Variants in MYL3 observed in about 807,000 individuals in gnomAD.
MYL3 encodes the protein myosin light chain 3.
Under a neutral mutation model 21.3 loss-of-function variants are expected in MYL3, and 11 were observed. That is an observed-to-expected ratio of 0.52 (90% CI 0.32 to 0.85). The LOEUF is 0.85. Among genes scored for constraint, MYL3 ranks in the 40% least tolerant of loss-of-function variants. The probability of loss-of-function intolerance (pLI) is 0.03; values close to 1 mark genes in which losing one functional copy is unlikely to be tolerated. For missense variants in MYL3, 206 were observed against 253.3 expected (o/e 0.81, Z 1.27); for synonymous variants, 88 against 91.6 (o/e 0.96, Z 0.22).
Position 46,859,464 on chromosome 3 carries a change from G to A in MYL3, c.481+11C>T. ...GGAAGGAGTTGGGGTAGGGGAGGAG[G>A]CTGCCCTCACCCAGCGTGGCCAGCA... On this transcript the variant is annotated intron_variant, in intron 4 of 6. Transcript: ENST00000292327. This position sits in a 1 kb window ranked among gnomAD's most constrained non-coding sequence, Gnocchi z 4.1. 1 of 1,613,994 alleles carries A rather than the reference G, an allele frequency of 6.2e-7. No individual in the cohort carries two copies. Among genetic ancestry groups the A allele is most frequent in the East Asian group, 2.2e-5 (1 of 44,886 alleles).
Position 46,860,881 on chromosome 3 carries a change from C to T in MYL3, c.158-56G>A, listed in dbSNP as rs1323246266. The T allele has an allele frequency of 4.3e-6, 7 of 1,614,020 alleles. No homozygotes were observed. Among genetic ancestry groups the T allele is most frequent in the South Asian group, 1.1e-5 (1 of 91,090 alleles). On this transcript the variant is annotated intron_variant, in intron 2 of 6. Coordinates refer to ENST00000292327, the MANE Select transcript of MYL3 (RefSeq NM_000258.3). This position sits in a 1 kb window ranked among gnomAD's most constrained non-coding sequence, Gnocchi z 4.6. ...CTCCCAGGGTCAGCCTACCCCACTC[C>T]CCACACCCCTGGCAGGACCCTCAGA...
In MYL3 at chr3:46,874,661, A is replaced by G. The variant is rs1210978730; in HGVS notation, c.-218+7413T>C. The stretch of plus-strand genomic sequence containing the variant: ...AAAGGTTATAAATAGCAGCAGCGGG[A>G]GCCCATGCAGGGAGAGGCGGAAACA... On this transcript the variant is annotated intron_variant, in intron 1 of 3. Coordinates refer to the MYL3 transcript ENST00000431168. This position sits in a 1 kb window ranked among gnomAD's most constrained non-coding sequence, Gnocchi z 4.1. Among the ~76,000 whole-genome samples, 1 of 152,204 alleles carries G rather than the reference A, an allele frequency of 6.6e-6. No individual in the cohort carries two copies. The highest frequency in any genetic ancestry group is 1.5e-5 in the Non-Finnish European group (1 of 68,038).
chr3:46,874,729 C>CA lies in MYL3; in HGVS notation c.-218+7344_-218+7345insT, dbSNP rs1433251465. Among the ~76,000 whole-genome samples, 2 of 151,906 alleles carry CA rather than the reference C, an allele frequency of 1.3e-5. No individual in the cohort carries two copies. Among genetic ancestry groups the CA allele is most frequent in the Non-Finnish European group, 2.9e-5 (2 of 68,012 alleles). On this transcript the variant is annotated intron_variant, in intron 1 of 3. Coordinates refer to the MYL3 transcript ENST00000431168. The surrounding 1 kb of genome is among the most constrained non-coding windows in gnomAD (Gnocchi z 4.1). ...GGAGGGGGTATTCCGAGGCACAGAC[C>CA]CCCCCCCACACACACAATAGGGACG...
chr3:46,861,756 G>A lies in MYL3; in HGVS notation c.130-769C>T, dbSNP rs917337615. 6.6e-6 allele frequency among the ~76,000 whole-genome samples: 1 copy of A among 152,100 alleles called. No homozygotes were observed. Among genetic ancestry groups the A allele is most frequent in the African/African-American group, 2.4e-5 (1 of 41,402 alleles). On this transcript the variant is annotated intron_variant, in intron 1 of 6. Coordinates refer to ENST00000292327, the MANE Select transcript of MYL3 (RefSeq NM_000258.3). The surrounding 1 kb of genome is among the most constrained non-coding windows in gnomAD (Gnocchi z 4.2). ...TGTCCCCCTCCTCACCGGATACCAG[G>A]TCTATTTTTATCACTGCAGTCACTC...
chr3:46,864,860 G>A (rs1281191647), upstream of MYL3, among the ~76,000 whole-genome samples: 1 of 152,222 alleles, frequency 6.6e-6, no homozygotes, highest in Admixed American at 6.5e-5. This position sits in a 1 kb window ranked among gnomAD's most constrained non-coding sequence, Gnocchi z 4.7. Flanking sequence ...GAGGTGGGAG[G>A]GCTGAGGTGG....
chr3:46,861,001 C>A lies in MYL3; in HGVS notation c.130-14G>T, dbSNP rs192329378. On this transcript the variant is annotated splice_polypyrimidine_tract_variant and intron_variant, in intron 1 of 6. Coordinates refer to ENST00000292327, the MANE Select transcript of MYL3 (RefSeq NM_000258.3). This position sits in a 1 kb window ranked among gnomAD's most constrained non-coding sequence, Gnocchi z 4.2. Reference sequence around the variant, plus strand: ...TGTGAACTCAATCTGAAAAGAGACCCCAAAGACTCAGATGCCCGGCTTAAA... The same window carrying A: ...TGTGAACTCAATCTGAAAAGAGACCACAAAGACTCAGATGCCCGGCTTAAA... 2.5e-3 allele frequency: 3,982 copies of A among 1,613,968 alleles called. 4 individuals carry two copies. The highest frequency in any genetic ancestry group is 3.0e-3 in the Admixed American group (182 of 60,020).
chr3:46,882,159 A>G lies in MYL3; in HGVS notation c.-303T>C, dbSNP rs1396874767. The G allele has an allele frequency of 2.1e-5, 3 of 145,512 alleles. No homozygotes were observed. The highest frequency in any genetic ancestry group is 4.5e-5 in the Non-Finnish European group (3 of 66,112). The allele number at this position is 145,512 out of a possible 1,614,324, so 9.0% of individuals were successfully genotyped here. A position where few individuals can be genotyped will look rare whatever the true frequency, so the allele number is the denominator to read the frequency against. On this transcript the variant is annotated 5_prime_UTR_variant, in exon 1 of 4. Transcript: ENST00000431168. This position sits in a 1 kb window ranked among gnomAD's most constrained non-coding sequence, Gnocchi z 4.3. ...GGAAGGCTCCTCTCGGCCTCTCCAC[A>G]CTCCCGCGTCGGCGGCTGCGGAGGG...
At position 46,861,651 on chromosome 3, in the gene MYL3, G is replaced by A. The variant is rs1701994011; in HGVS notation, c.130-664C>T. ...ACACCCCAGGACAGCACAGGGCCAG[G>A]GCAGTGCTGCTGAGTGTTTGCTGAA... On this transcript the variant is annotated intron_variant, in intron 1 of 6. Transcript: ENST00000292327. The surrounding 1 kb of genome is among the most constrained non-coding windows in gnomAD (Gnocchi z 4.2). 6.6e-6 allele frequency among the ~76,000 whole-genome samples: 1 copy of A among 152,154 alleles called. No individual in the cohort carries two copies. Among genetic ancestry groups the A allele is most frequent in the African/African-American group, 2.4e-5 (1 of 41,426 alleles).
rs1289354094 is a variant in MYL3, at chr3:46,874,193, A to C, written c.-217-7593T>G. 6.6e-6 allele frequency among the ~76,000 whole-genome samples: 1 copy of C among 152,176 alleles called. No homozygotes were observed. The highest frequency in any genetic ancestry group is 6.5e-5 in the Admixed American group (1 of 15,276). ...CTTCCCCTCTCCAGCCAGTTCAGCC[A>C]ATGTCCACGGTGCCTCTGGGCCAGG... On this transcript the variant is annotated intron_variant, in intron 1 of 3. Transcript: ENST00000431168. This position sits in a 1 kb window ranked among gnomAD's most constrained non-coding sequence, Gnocchi z 4.1.
rs760516879 is a variant in MYL3, at chr3:46,861,703, G to A, written c.130-716C>T. Among the ~76,000 whole-genome samples, 1 of 152,202 alleles carries A rather than the reference G, an allele frequency of 6.6e-6. No individual in the cohort carries two copies. The highest frequency in any genetic ancestry group is 1.9e-4 in the East Asian group (1 of 5,176). ...TCACATTGGGGCCACCTTGATTGACGTCAATCAAGAGGCCTCCCGGGATCC... is the reference window on the plus strand; with the variant it reads ...TCACATTGGGGCCACCTTGATTGACATCAATCAAGAGGCCTCCCGGGATCC... On this transcript the variant is annotated intron_variant, in intron 1 of 6. Coordinates refer to ENST00000292327, the MANE Select transcript of MYL3 (RefSeq NM_000258.3). The surrounding 1 kb of genome is among the most constrained non-coding windows in gnomAD (Gnocchi z 4.2).
At position 46,860,637 on chromosome 3, in the gene MYL3, G is replaced by C. The variant is rs764356863; in HGVS notation, c.307+39C>G. On this transcript the variant is annotated intron_variant, in intron 3 of 6. Coordinates refer to ENST00000292327, the MANE Select transcript of MYL3 (RefSeq NM_000258.3). This position sits in a 1 kb window ranked among gnomAD's most constrained non-coding sequence, Gnocchi z 4.6. ...GGCAGCCCACCCAGCCAGTCTCCCC[G>C]GTACTAACACTATGGGGGCTCTCGG... 1 of 1,608,990 alleles carries C rather than the reference G, an allele frequency of 6.2e-7. No homozygotes were observed. The highest frequency in any genetic ancestry group is 8.5e-7 in the Non-Finnish European group (1 of 1,179,892).
chr3:46,864,613 C>T (rs1397518019), upstream of MYL3, among the ~76,000 whole-genome samples: 1 of 152,196 alleles, frequency 6.6e-6, no homozygotes, highest in Non-Finnish European at 1.5e-5. The surrounding 1 kb of genome is among the most constrained non-coding windows in gnomAD (Gnocchi z 4.7). Context: ...TCCACTGCCA[C>T]ATGTTGCCCT....
Position 46,874,483 on chromosome 3 carries a change from C to CCAGT in MYL3, c.-218+7587_-218+7590dup. Among the ~76,000 whole-genome samples, 1 of 152,282 alleles carries CCAGT rather than the reference C, an allele frequency of 6.6e-6. No individual in the cohort carries two copies. Among genetic ancestry groups the CCAGT allele is most frequent in the Non-Finnish European group, 1.5e-5 (1 of 68,014 alleles). On this transcript the variant is annotated intron_variant, in intron 1 of 3. Coordinates refer to the MYL3 transcript ENST00000431168. This position sits in a 1 kb window ranked among gnomAD's most constrained non-coding sequence, Gnocchi z 4.1. ...CCCGGCCACAGCCCCCGGCAAGGACCCAGTGTCTGAGCTAACCCCCTCCCC... is the reference window on the plus strand; with the variant it reads ...CCCGGCCACAGCCCCCGGCAAGGACCCAGTCAGTGTCTGAGCTAACCCCCTCCCC...
At chr3:46,864,084 A>G (rs1289870586), upstream of MYL3, among the ~76,000 whole-genome samples, 1 of 150,008 alleles carries the variant, frequency 6.7e-6, no homozygotes, top group Non-Finnish European at 1.5e-5. The surrounding 1 kb of genome is among the most constrained non-coding windows in gnomAD (Gnocchi z 4.7). Context: ...GTGCGTGCCT[A>G]TGTGTGCTCC....
rs1187398177 is a variant in MYL3, at chr3:46,858,548, C to G, written c.482-87G>C. 7 of 1,291,564 alleles carry G rather than the reference C, an allele frequency of 5.4e-6. No individual in the cohort carries two copies. In the African/African-American group the frequency reaches 5.8e-5, roughly 11 times the overall value. 80.0% of individuals were successfully genotyped at this position (1,291,564 alleles called of 1,614,324 possible). A position where few individuals can be genotyped will look rare whatever the true frequency, so the allele number is the denominator to read the frequency against. Reference sequence around the variant, plus strand: ...CCCACTGAATCCCTCTAGATGGTGGCTCAACCTCTCCAGTATTCCCACAAC... The same window carrying G: ...CCCACTGAATCCCTCTAGATGGTGGGTCAACCTCTCCAGTATTCCCACAAC... On this transcript the variant is annotated intron_variant, in intron 4 of 6. Coordinates refer to ENST00000292327, the MANE Select transcript of MYL3 (RefSeq NM_000258.3).
At chr3:46,869,020 G>C (rs1702076684) in intron 1 of MYL3, among the ~76,000 whole-genome samples, 1 of 152,116 alleles carries the variant, frequency 6.6e-6, no homozygotes, top group African/African-American at 2.4e-5. Context: ...GAAAACAAAG[G>C]CCTGGGGCTT....
chr3:46,872,844 C>G (rs755495195), intron 1 of MYL3, among the ~76,000 whole-genome samples: 1 of 152,218 alleles, frequency 6.6e-6, no homozygotes, highest in Non-Finnish European at 1.5e-5. Flanking sequence ...GAAAACGTTC[C>G]GACAATGAGC....
At position 46,859,734 on chromosome 3, in the gene MYL3, C is replaced by T; in HGVS notation, c.308-86G>A. ...ATGCCTGATAATGAGGAGCTATCCC[C>T]ACCTCTCACACAGTTCTACAACAGT... On this transcript the variant is annotated intron_variant, in intron 3 of 6. Coordinates refer to ENST00000292327, the MANE Select transcript of MYL3 (RefSeq NM_000258.3). The surrounding 1 kb of genome is among the most constrained non-coding windows in gnomAD (Gnocchi z 4.1). 7.0e-6 allele frequency: 10 copies of T among 1,438,292 alleles called. No individual in the cohort carries two copies. The highest frequency in any genetic ancestry group is 9.8e-6 in the Non-Finnish European group (10 of 1,022,208). The allele number at this position is 1,438,292 out of a possible 1,614,324, so 89.1% of individuals were successfully genotyped here.
In MYL3 at chr3:46,860,559, C is replaced by G; in HGVS notation, c.307+117G>C. On this transcript the variant is annotated intron_variant, in intron 3 of 6. Coordinates refer to ENST00000292327, the MANE Select transcript of MYL3 (RefSeq NM_000258.3). This position sits in a 1 kb window ranked among gnomAD's most constrained non-coding sequence, Gnocchi z 4.6. ...CTGTGACTGGCCTCGGTGCCCTCAT[C>G]GGGACAATGCGAGATGTCAGGAAAG... is the stretch of plus-strand genomic sequence containing the variant. 1 of 1,442,596 alleles carries G rather than the reference C, an allele frequency of 6.9e-7. No individual in the cohort carries two copies. The highest frequency in any genetic ancestry group is 9.4e-7 in the Non-Finnish European group (1 of 1,063,264). The allele number at this position is 1,442,596 out of a possible 1,614,324, so 89.4% of individuals were successfully genotyped here.
Sources: gnomAD v4.1 joint callset for allele counts (sites outside exome capture counted in the v4.1 genomes callset) on GRCh38, gnomAD v4.1.1 for gene constraint, Gnocchi (gnomAD v3.1) non-coding constraint, MANE v1.5 for transcripts, NCBI Gene and HGNC (gene_info 2026-07-23, HGNC 2026-07-21) for gene names.